Variants in FAM161A observed in about 807,000 individuals in gnomAD.
FAM161A encodes protein FAM161A.
FAM161A carries 57 observed loss-of-function variants against 70.9 expected under a neutral mutation model. The observed-to-expected ratio is 0.80, with a 90% CI of 0.65 to 1.00. FAM161A has a LOEUF of 1.00. Among genes scored for constraint, FAM161A ranks in the 50% least tolerant of loss-of-function variants. The pLI is 0.00. For missense variants in FAM161A, 880 were observed against 836.0 expected (o/e 1.05, Z -0.65); for synonymous variants, 299 against 295.7 (o/e 1.01, Z -0.12).
In FAM161A at chr2:61,840,144, A is replaced by G. The variant is rs1558484283; in HGVS notation, c.860T>C (p.Val287Ala). ...EYKKKFRANP[V>A]PASVFLPLYH... Reference sequence around the variant, plus strand: ...AAGGGGGAGAAAGACAGATGCAGGAACTGGATTGGCTCGGAATTTCTTCTT... The same window carrying G: ...AAGGGGGAGAAAGACAGATGCAGGAGCTGGATTGGCTCGGAATTTCTTCTT... The change falls in exon 3 of 7, where the codon GTT becomes GCT. Residue 287 changes from valine to alanine, a missense_variant. Physicochemically the swap from Val to Ala is moderately conservative, Grantham distance 64. Transcript: ENST00000404929. The G allele has an allele frequency of 6.2e-7, 1 of 1,614,184 alleles. No homozygotes were observed. Among genetic ancestry groups the G allele is most frequent in the African/African-American group, 1.3e-5 (1 of 75,040 alleles).
chr2:61,813,711 C>G, the FAM161A span, among the ~76,000 whole-genome samples: 2 of 141,944 alleles, frequency 1.4e-5, no homozygotes, highest in South Asian at 2.3e-4. Flanking sequence ...AGAGCAAGAC[C>G]CTGTCTCAAA....
the FAM161A span, among the ~76,000 whole-genome samples, chr2:61,818,025 T>C: frequency 7.8e-4 from 118 of 150,882 alleles, no homozygotes; most frequent in African/African-American, 2.8e-3. Flanking sequence ...CTAGAAACAA[T>C]GACACCTAGT....
intron 5 of FAM161A, among the ~76,000 whole-genome samples, chr2:61,828,451 C>G (rs929486494): frequency 2.0e-5 from 3 of 152,132 alleles, no homozygotes; most frequent in Non-Finnish European, 2.9e-5. Flanking sequence ...ACCTCAGCCT[C>G]TGGAGTAGCT....
chr2:61,835,255 A>T (rs1356993888), intron 5 of FAM161A, among the ~76,000 whole-genome samples: 4 of 152,208 alleles, frequency 2.6e-5, no homozygotes, highest in Non-Finnish European at 5.9e-5. Context: ...TGATTTTGTC[A>T]ATTGTTAAGC....
chr2:61,812,292 G>A, the FAM161A span, among the ~76,000 whole-genome samples: 1 of 152,152 alleles, frequency 6.6e-6, no homozygotes, highest in Admixed American at 6.5e-5. Context: ...GTTTGCTGAT[G>A]TATTCTCAGT....
At chr2:61,801,072 G>A in the FAM161A span, among the ~76,000 whole-genome samples, 1 of 152,090 alleles carries the variant, frequency 6.6e-6, no homozygotes, top group Non-Finnish European at 1.5e-5. Context: ...TGGGATTACA[G>A]GTGTGAGCCA....
In FAM161A at chr2:61,836,512, T is replaced by C. The variant is rs76979741; in HGVS notation, c.1752-403A>G. 241 of 158,692 alleles carry C rather than the reference T, an allele frequency of 1.5e-3. 5 individuals are homozygous for C. The East Asian group carries it at 0.04, about 27-fold the overall frequency. The allele number at this position is 158,692 out of a possible 1,614,324, so 9.8% of individuals were successfully genotyped here. A position where few individuals can be genotyped will look rare whatever the true frequency, so the allele number is the denominator to read the frequency against. On this transcript the variant is annotated intron_variant, in intron 4 of 6. Transcript: ENST00000404929. ...TGGAACAAATTAGCTATCTTCTCTGTAAGGAATTTCTCCTGAAAACAAGAC... is the reference window on the plus strand; with the variant it reads ...TGGAACAAATTAGCTATCTTCTCTGCAAGGAATTTCTCCTGAAAACAAGAC...
chr2:61,816,008 T>C, the FAM161A span, among the ~76,000 whole-genome samples: 1 of 152,196 alleles, frequency 6.6e-6, no homozygotes, highest in Non-Finnish European at 1.5e-5. Context: ...ATGTCTTTTC[T>C]TGAGCCCTAA....
In FAM161A at chr2:61,843,693, G is replaced by T. The variant is rs530883180; in HGVS notation, c.184-1333C>A. On this transcript the variant is annotated intron_variant, in intron 1 of 6. Coordinates refer to ENST00000404929, the MANE Select transcript of FAM161A (RefSeq NM_001201543.2). ...CTTCTCTCAAAATAAAAATTCAGAAGAGTCAATTATAAATAGTAGTTATAG... is the reference window on the plus strand; with the variant it reads ...CTTCTCTCAAAATAAAAATTCAGAATAGTCAATTATAAATAGTAGTTATAG... 3.3e-5 allele frequency among the ~76,000 whole-genome samples: 5 copies of T among 152,248 alleles called. No individual in the cohort carries two copies. The East Asian group carries it at 7.7e-4, about 23-fold the overall frequency.
At position 61,839,700 on chromosome 2, in the gene FAM161A, G is replaced by A. The variant is rs1672927864; in HGVS notation, c.1304C>T (p.Pro435Leu). 1 of 1,614,152 alleles carries A rather than the reference G, an allele frequency of 6.2e-7. No homozygotes were observed. Among genetic ancestry groups the A allele is most frequent in the Non-Finnish European group, 8.5e-7 (1 of 1,180,040 alleles). Residue 435 changes from proline (P) to leucine (L), a missense_variant, in exon 3 of 7, where the codon CCT (proline) becomes CTT (leucine). By Grantham distance (98) the Pro-to-Leu change is moderately conservative. Transcript: ENST00000404929. ...TGAGAGGTGTTTCTGGTATCTCTCA[G>A]GAAGGTCCTCAAAATCAGGAGTTGG... is the stretch of plus-strand genomic sequence containing the variant. The part of the protein sequence containing the change: ...RCPTPDFEDL[P>L]ERYQKHLSEH...
chr2:61,834,714 C>T (rs947202979), intron 5 of FAM161A, among the ~76,000 whole-genome samples: 12 of 152,110 alleles, frequency 7.9e-5, no homozygotes, highest in African/African-American at 7.2e-5. Flanking sequence ...CCACCTGCTT[C>T]GGCCTCCCAA....
chr2:61,841,629 C>T (rs531354382), intron 2 of FAM161A, among the ~76,000 whole-genome samples: 31 of 152,248 alleles, frequency 2.0e-4, no homozygotes, highest in African/African-American at 7.0e-4. Context: ...TAGTCTGGCA[C>T]AAAGGAGACA....
intron 2 of FAM161A, among the ~76,000 whole-genome samples, chr2:61,841,578 C>T (rs1396421493): frequency 6.6e-6 from 1 of 152,144 alleles, no homozygotes; most frequent in Admixed American, 6.6e-5. Flanking sequence ...TCTCTAAGCT[C>T]CTTGAGGGCA....
chr2:61,827,442 C>G (rs918490244), intron 5 of FAM161A, among the ~76,000 whole-genome samples, 184 bp from the exon 6 acceptor site: 5 of 151,850 alleles, frequency 3.3e-5, no homozygotes, highest in Non-Finnish European at 5.9e-5. Flanking sequence ...AACCCCGTCT[C>G]TACTAAAAAT....
chr2:61,802,620 T>G, the FAM161A span, among the ~76,000 whole-genome samples: 4 of 152,166 alleles, frequency 2.6e-5, no homozygotes, highest in Non-Finnish European at 4.4e-5. Context: ...AAACTGTTAT[T>G]GTTGTATTTG....
At chr2:61,820,592 G>A (rs1572848738), downstream of FAM161A, 1 of 716,574 alleles carries the variant, frequency 1.4e-6, no homozygotes, top group Non-Finnish European at 2.6e-6. Flanking sequence ...AACACTGCTA[G>A]GTAACTGGTA....
the FAM161A span, among the ~76,000 whole-genome samples, chr2:61,800,931 G>A: frequency 6.6e-6 from 1 of 151,964 alleles, no homozygotes; most frequent in Non-Finnish European, 1.5e-5. Context: ...AGCCTCCCAA[G>A]TAGCTGGGAT....
Position 61,839,598 on chromosome 2 carries a change from C to A in FAM161A, c.1406G>T (p.Arg469Ile). ...LHASPHASIKREKILADIEAD... is the reference protein window; with the variant it reads ...LHASPHASIKIEKILADIEAD... ...TTCGATGTCTGCCAAAATTTTTTCTCTTTTAATAGATGCATGTGGAGATGC... is the reference window on the plus strand; with the variant it reads ...TTCGATGTCTGCCAAAATTTTTTCTATTTTAATAGATGCATGTGGAGATGC... Residue 469 changes from arginine (R) to isoleucine (I), a missense_variant, in exon 3 of 7, where the codon AGA becomes ATA. By Grantham distance (97) the Arg-to-Ile change is moderately conservative (BLOSUM62 -3). Transcript: ENST00000404929. The A allele has an allele frequency of 6.2e-7, 1 of 1,614,174 alleles. No homozygotes were observed. Among genetic ancestry groups the A allele is most frequent in the Non-Finnish European group, 8.5e-7 (1 of 1,180,028 alleles).
Position 61,854,006 on chromosome 2 carries a change from G to A in FAM161A, c.36C>T (p.Ala12=), listed in dbSNP as rs754725458. ...GATTTACCGGGGTCTGGAGACTGGA[G>A]GCCACCAGCTTCGCCACTCGGTGGG... ...ATSHRVAKLV[A]SSLQTPVNPI... Residue 12 remains alanine, a synonymous_variant, in exon 1 of 7, where the codon GCC becomes GCT. Transcript: ENST00000404929. 1.2e-6 allele frequency: 2 copies of A among 1,612,996 alleles called. No homozygotes were observed. Among genetic ancestry groups the A allele is most frequent in the Non-Finnish European group, 1.7e-6 (2 of 1,179,556 alleles).
Sources: allele counts gnomAD v4.1 joint callset (sites outside exome capture counted in the v4.1 genomes callset), GRCh38; gene constraint gnomAD v4.1.1; transcripts MANE v1.5; gene names NCBI Gene and HGNC (gene_info 2026-07-23, HGNC 2026-07-21).